Variants in WASHC5 observed in about 807,000 individuals in gnomAD.
The protein encoded by WASHC5 is WASH complex subunit 5.
Under a neutral mutation model 150.4 loss-of-function variants are expected in WASHC5, and 101 were observed. The observed-to-expected ratio is 0.67, with a 90% CI of 0.57 to 0.79. The LOEUF (loss-of-function observed/expected upper bound fraction) is 0.79. WASHC5 is among the 30% of genes least tolerant of loss of function. The pLI is 0.00. For missense variants in WASHC5, 1,195 were observed against 1,396.3 expected (o/e 0.86, Z 2.30); for synonymous variants, 467 against 491.2 (o/e 0.95, Z 0.65).
chr8:125,038,712 A>G, intron 25 of WASHC5, 118 bp downstream of exon 25: 1 of 1,210,606 alleles, frequency 8.3e-7, no homozygotes, highest in African/African-American at 1.5e-5. Flanking sequence ...ACTGAATGGA[A>G]TGAAGGCTCT....
At chr8:125,057,240 G>C (rs1377378187) in intron 15 of WASHC5, among the ~76,000 whole-genome samples, 2 of 152,182 alleles carry the variant, frequency 1.3e-5, no homozygotes, top group African/African-American at 4.8e-5. Flanking sequence ...GCTGGATCTA[G>C]ATCAGGCTCT....
In WASHC5 at chr8:125,046,053, C is replaced by T. The variant is rs77903616; in HGVS notation, c.2504+1154G>A. Reference sequence around the variant, plus strand: ...ATAGTTTCTCAACTTTCACAAGTTTCGAAGGACAAAATACTGGATTAGAAA... The same window carrying T: ...ATAGTTTCTCAACTTTCACAAGTTTTGAAGGACAAAATACTGGATTAGAAA... On this transcript the variant is annotated intron_variant, in intron 20 of 28. Transcript: ENST00000318410. Among the ~76,000 whole-genome samples, 292 of 152,290 alleles carry T rather than the reference C, an allele frequency of 1.9e-3. 2 individuals are homozygous for T. The highest frequency in any genetic ancestry group is 4.8e-3 in the African/African-American group (200 of 41,550).
chr8:125,079,112 G>GTATATATA (rs1375247588), intron 5 of WASHC5, among the ~76,000 whole-genome samples, 182 bp from the exon 6 acceptor site: 2 of 48,430 alleles, frequency 4.1e-5, no homozygotes, highest in Admixed American at 3.4e-4. Context: ...ATGTGTGTGT[G>GTATATATA]TGTGTATATA....
At chr8:125,084,265 T>C (rs1049852541) in intron 1 of WASHC5, among the ~76,000 whole-genome samples, 6 of 152,210 alleles carry the variant, frequency 3.9e-5, no homozygotes, top group African/African-American at 1.4e-4. Context: ...AAAGATATGA[T>C]ACAGCTCATC....
chr8:125,069,293 T>G (rs10429357), intron 9 of WASHC5, among the ~76,000 whole-genome samples: 3,991 of 152,326 alleles, frequency 0.026, 178 homozygotes, highest in African/African-American at 0.092. Flanking sequence ...CTTCCCAGCC[T>G]CCAGAACCAT....
At chr8:125,049,287 G>A (rs1199606544) in intron 18 of WASHC5, 102 bp from the exon 19 acceptor site, 16 of 1,266,124 alleles carry the variant, frequency 1.3e-5, no homozygotes, top group Middle Eastern at 1.8e-4. Context: ...GGCCAGATGC[G>A]GTGGCTCCCA....
At chr8:125,051,533 G>A (rs1816237339) in intron 17 of WASHC5, among the ~76,000 whole-genome samples, 1 of 152,198 alleles carries the variant, frequency 6.6e-6, no homozygotes, top group African/African-American at 2.4e-5. Context: ...GGGAAATCCA[G>A]ACTGTGGAGC....
chr8:125,033,626 G>A (rs900218301), intron 26 of WASHC5, among the ~76,000 whole-genome samples: 1 of 151,272 alleles, frequency 6.6e-6, no homozygotes, highest in African/African-American at 2.4e-5. Flanking sequence ...TCGGCTCACT[G>A]CAACCTCTGC....
chr8:125,077,492 A>C (rs974927718), intron 6 of WASHC5, among the ~76,000 whole-genome samples: 3 of 152,216 alleles, frequency 2.0e-5, no homozygotes, highest in African/African-American at 7.2e-5. Context: ...GGGGAGGTGC[A>C]GGACAGAGAG....
chr8:125,055,126 A>G (rs949103750), intron 17 of WASHC5, among the ~76,000 whole-genome samples: 2 of 152,084 alleles, frequency 1.3e-5, no homozygotes, highest in Admixed American at 6.5e-5. Context: ...TCCTCCATCA[A>G]TAAGTGAGTA....
At chr8:125,069,238 T>C (rs10429356) in intron 9 of WASHC5, among the ~76,000 whole-genome samples, 45,923 of 152,174 alleles carry the variant, frequency 0.3, 10,877 homozygotes, top group African/African-American at 0.65. Context: ...TCTGCCTATC[T>C]GGCATATATT....
chr8:125,074,759 C>T (rs1817003149), intron 8 of WASHC5, among the ~76,000 whole-genome samples: 2 of 152,154 alleles, frequency 1.3e-5, no homozygotes, highest in African/African-American at 4.8e-5. Flanking sequence ...TGCCATGCTT[C>T]TTTGTCTTAG....
chr8:125,038,975 C>T lies in WASHC5; in HGVS notation c.2955-16G>A, dbSNP rs750659998. On this transcript the variant is annotated splice_polypyrimidine_tract_variant and intron_variant, in intron 24 of 28. Transcript: ENST00000318410. ...TAGGAGAGCCCTAAAGGAAGAAAAA[C>T]CCTGGAGATAAACATTAGTGAGTAA... The T allele has an allele frequency of 5.6e-6, 9 of 1,612,374 alleles. No individual in the cohort carries two copies. In the African/African-American group the frequency reaches 1.2e-4, roughly 22 times the overall value.
At chr8:125,067,342 T>C (rs1816771986) in intron 10 of WASHC5, among the ~76,000 whole-genome samples, 1 of 152,154 alleles carries the variant, frequency 6.6e-6, no homozygotes, top group Admixed American at 6.5e-5. Context: ...GATTAATGTC[T>C]ATATTCCCCA....
chr8:125,084,913 C>T (rs1442222425), intron 1 of WASHC5, among the ~76,000 whole-genome samples: 12 of 152,156 alleles, frequency 7.9e-5, no homozygotes, highest in East Asian at 7.7e-4. Context: ...TTAAGAATCT[C>T]CCCGGATGAT....
At chr8:125,060,990 C>G (rs1287699846) in intron 12 of WASHC5, 92 bp downstream of exon 12, 15 of 731,246 alleles carry the variant, frequency 2.1e-5, no homozygotes, top group Non-Finnish European at 2.8e-5. Context: ...ATGAAATAGT[C>G]TCTCAGCTAT....
At chr8:125,024,863 C>T (rs2129932271) in intron 28 of WASHC5, among the ~76,000 whole-genome samples, 190 bp from the exon 29 acceptor site, 1 of 152,010 alleles carries the variant, frequency 6.6e-6, no homozygotes, top group Non-Finnish European at 1.5e-5. Context: ...CATTTCTTGG[C>T]ACTGCTAACA....
chr8:125,026,367 CTCTTTTG>C (rs1484831579), intron 28 of WASHC5, among the ~76,000 whole-genome samples: 3 of 152,022 alleles, frequency 2.0e-5, no homozygotes, highest in Non-Finnish European at 4.4e-5. Flanking sequence ...TTGGTATTTC[CTCTTTTG>C]TCTTTTGTTT....
At chr8:125,052,287 C>G (rs574417396) in intron 17 of WASHC5, among the ~76,000 whole-genome samples, 2 of 152,258 alleles carry the variant, frequency 1.3e-5, no homozygotes, top group South Asian at 4.1e-4. Context: ...ATCTAAAGAT[C>G]GCATGCGGCT....
Sources: gnomAD v4.1 joint callset for allele counts (sites outside exome capture counted in the v4.1 genomes callset) on GRCh38, gnomAD v4.1.1 for gene constraint, MANE v1.5 for transcripts, NCBI Gene and HGNC (gene_info 2026-07-23, HGNC 2026-07-21) for gene names.